The following MS4A14 variants were observed in gnomAD, a reference collection of about 807,000 sequenced individuals.
MS4A14 encodes the protein membrane spanning 4-domains A14, also known as membrane-spanning 4-domains subfamily A member 14.
In MS4A14, 18 loss-of-function variants were observed where a neutral mutation model predicts 16.7. The observed-to-expected ratio is 1.08, with a 90% CI of 0.75 to 1.60. The LOEUF (loss-of-function observed/expected upper bound fraction) is 1.60, where lower values mean the gene tolerates loss of function less well. MS4A14 is among the 40% of genes most tolerant of loss of function. The probability of loss-of-function intolerance (pLI) is 0.00; values close to 1 mark genes in which losing one functional copy is unlikely to be tolerated. For synonymous variants in MS4A14, 305 were observed against 289.4 expected (o/e 1.05, Z -0.55); for missense variants, 812 against 775.3 (o/e 1.05, Z -0.56).
At chr11:60,400,323 T>C (rs2085693239) in intron 2 of MS4A14, 81 bp from the exon 3 acceptor site, 1 of 901,824 alleles carries the variant, frequency 1.1e-6, no homozygotes, top group South Asian at 1.6e-5. Context: ...CAAACAGATA[T>C]TTTGCAAATC....
intron 4 of MS4A14, among the ~76,000 whole-genome samples, chr11:60,403,723 T>C (rs1040599221): frequency 6.6e-6 from 1 of 152,226 alleles, no homozygotes; most frequent in African/African-American, 2.4e-5. Context: ...GTGACTCCAA[T>C]AGGCCTTTCT....
intron 2 of MS4A14, among the ~76,000 whole-genome samples, chr11:60,398,880 A>G (rs2085668839): frequency 6.6e-6 from 1 of 152,214 alleles, no homozygotes; most frequent in Admixed American, 6.5e-5. Flanking sequence ...TATACATGCC[A>G]TACTGTAGAA....
chr11:60,403,712 A>T (rs569687409), intron 4 of MS4A14, among the ~76,000 whole-genome samples: 42 of 152,312 alleles, frequency 2.8e-4, no homozygotes, highest in African/African-American at 9.9e-4. Flanking sequence ...TAAGCATGTC[A>T]GTGACTCCAA....
At chr11:60,411,594 G>A (rs1040490746) in intron 4 of MS4A14, among the ~76,000 whole-genome samples, 1 of 152,140 alleles carries the variant, frequency 6.6e-6, no homozygotes, top group African/African-American at 2.4e-5. Flanking sequence ...AAACAACAAT[G>A]ATTTTTTGTG....
rs1257696801 is a variant in MS4A14, at chr11:60,397,844, C to T, written c.139-8C>T. The T allele has an allele frequency of 2.5e-6, 4 of 1,610,686 alleles. No homozygotes were observed. The highest frequency in any genetic ancestry group is 3.4e-6 in the Non-Finnish European group (4 of 1,178,290). On this transcript the variant is annotated splice_region_variant and splice_polypyrimidine_tract_variant and intron_variant, in intron 1 of 4. Transcript: ENST00000300187. ...TGTAACCTCATGTACCCATTTCTCT[C>T]CTCACAGGCTACCCAGATCCTGCTT...
At chr11:60,411,038 G>T (rs896280387) in intron 4 of MS4A14, among the ~76,000 whole-genome samples, 2 of 151,982 alleles carry the variant, frequency 1.3e-5, no homozygotes, top group Admixed American at 1.3e-4. Context: ...TAGAGACGAG[G>T]TTTCACCACA....
At chr11:60,414,925 A>G (rs2085916458) in intron 4 of MS4A14, among the ~76,000 whole-genome samples, 1 of 152,148 alleles carries the variant, frequency 6.6e-6, no homozygotes, top group Non-Finnish European at 1.5e-5. Context: ...TCTCAGAATT[A>G]GGTCATCTTC....
intron 1 of MS4A14, among the ~76,000 whole-genome samples, chr11:60,397,138 T>C (rs1251981148): frequency 2.0e-5 from 3 of 152,208 alleles, no homozygotes; most frequent in Non-Finnish European, 4.4e-5. Context: ...GCCTCCATCC[T>C]TTGTACAACA....
At position 60,402,989 on chromosome 11, in the gene MS4A14, C is replaced by A. The variant is rs140270120; in HGVS notation, c.396C>A (p.Tyr132Ter). Residue 132 changes from tyrosine (Y) to a stop codon, truncating the protein, a stop_gained, in exon 4 of 5, where the codon TAC becomes TAA. Coordinates refer to ENST00000300187, the MANE Select transcript of MS4A14 (RefSeq NM_032597.5). LOFTEE classifies it high-confidence loss of function. ...GGATTACTTTCACCATTCTCAGCTA[C>A]AGACATCAAGACAAGTACTGCCAGA... ...ITGITFTILS[Y>*]RHQDKYCQMP... 601 of 1,613,806 alleles carry A rather than the reference C, an allele frequency of 3.7e-4. No individual in the cohort carries two copies. In the African/African-American group the frequency reaches 6.9e-3, roughly 19 times the overall value.
chr11:60,399,045 C>T (rs1042640269), intron 2 of MS4A14, among the ~76,000 whole-genome samples: 1 of 152,140 alleles, frequency 6.6e-6, no homozygotes, highest in Non-Finnish European at 1.5e-5. Flanking sequence ...GAGCACATAC[C>T]GCGTCTTCAA....
intron 4 of MS4A14, among the ~76,000 whole-genome samples, chr11:60,409,308 C>T (rs1434980267): frequency 3.3e-5 from 5 of 152,110 alleles, no homozygotes; most frequent in East Asian, 3.9e-4. Flanking sequence ...CAATCCTTCC[C>T]GGTCCTCCCA....
In MS4A14 at chr11:60,397,902, T is replaced by G. The variant is rs1236487421; in HGVS notation, c.189T>G (p.Phe63Leu). 1 of 1,613,398 alleles carries G rather than the reference T, an allele frequency of 6.2e-7. No homozygotes were observed. Among genetic ancestry groups the G allele is most frequent in the Admixed American group, 1.7e-5 (1 of 59,996 alleles). ...TCATTGTGGGCTTTGGAACTATATT[T>G]GCACTTAATTACATCGGTTTCTCCC... Reference protein sequence around the residue: ...ALIIVGFGTIFALNYIGFSQR... With the variant: ...ALIIVGFGTILALNYIGFSQR... The change falls in exon 2 of 5, where the codon TTT becomes TTG. Residue 63 changes from phenylalanine to leucine, a missense_variant. Coordinates refer to ENST00000300187, the MANE Select transcript of MS4A14 (RefSeq NM_032597.5).
chr11:60,403,144 T>C, intron 4 of MS4A14, 83 bp downstream of exon 4: 2 of 1,442,706 alleles, frequency 1.4e-6, no homozygotes, highest in South Asian at 2.3e-5. Context: ...TGATTTTTAT[T>C]TTATTAAATG....
At chr11:60,400,536 G>C in intron 3 of MS4A14, 82 bp downstream of exon 3, 1 of 1,007,910 alleles carries the variant, frequency 9.9e-7, no homozygotes, top group Non-Finnish European at 1.5e-6. Context: ...TAGTAATAAA[G>C]TTACCTTTCA....
intron 1 of MS4A14, among the ~76,000 whole-genome samples, chr11:60,397,094 T>C (rs747489553): frequency 2.0e-5 from 3 of 152,164 alleles, no homozygotes; most frequent in Non-Finnish European, 4.4e-5. Context: ...ACGTTTTTCA[T>C]CACAAATGCA....
Position 60,401,574 on chromosome 11 carries a change from G to A in MS4A14, c.318+1120G>A, listed in dbSNP as rs115223947. ...TTTCATCACAGCCCTTCCACAAACC[G>A]TGAAAGTGATTGCTCACAGTCACTT... is the stretch of plus-strand genomic sequence containing the variant. On this transcript the variant is annotated intron_variant, in intron 3 of 4. Transcript: ENST00000300187. Among the ~76,000 whole-genome samples the A allele has an allele frequency of 5.3e-3, 803 of 152,242 alleles. 5 individuals are homozygous for A. Among genetic ancestry groups the A allele is most frequent in the South Asian group, 0.022 (108 of 4,820 alleles).
rs773984042 is a variant in MS4A14 at position 60,416,892 on chromosome 11, C to T, written c.1924C>T (p.Gln642Ter). 1.9e-6 allele frequency: 3 copies of T among 1,613,712 alleles called. No individual in the cohort carries two copies. The highest frequency in any genetic ancestry group is 2.5e-6 in the Non-Finnish European group (3 of 1,179,790). The change falls in exon 5 of 5, where the codon CAA becomes TAA. Residue 642 changes from glutamine (Q) to a stop codon, truncating the protein, a stop_gained. Coordinates refer to ENST00000300187, the MANE Select transcript of MS4A14 (RefSeq NM_032597.5). LOFTEE classifies it low-confidence loss of function (END_TRUNC). ...GGAGAAAGTGCCAAAACTGTTATGC[C>T]AAGATTCAGAATCCCAAATACAGCA... ...QVEKVPKLLC[Q>*]DSESQIQQYQ...
In MS4A14 at chr11:60,415,765, A is replaced by C. The variant is rs2085930570; in HGVS notation, c.797A>C (p.Gln266Pro). ...EKKPSENMSI[Q>P]LDSTFKQMKD... ...AAGCCCTCAGAAAATATGTCCATTC[A>C]GCTAGACTCTACATTTAAACAAATG... The change falls in exon 5 of 5, where the codon CAG (glutamine) becomes CCG (proline). Residue 266 changes from glutamine (Q) to proline (P), a missense_variant. Physicochemically the swap from Gln to Pro is moderately conservative, Grantham distance 76 (BLOSUM62 -1). Coordinates refer to ENST00000300187, the MANE Select transcript of MS4A14 (RefSeq NM_032597.5). The C allele has an allele frequency of 6.2e-7, 1 of 1,613,980 alleles. No homozygotes were observed.
chr11:60,397,136 C>G (rs572185611), intron 1 of MS4A14, among the ~76,000 whole-genome samples: 9 of 152,324 alleles, frequency 5.9e-5, no homozygotes, highest in African/African-American at 2.2e-4. Context: ...CAGCCTCCAT[C>G]CTTTGTACAA....
Sources: allele counts gnomAD v4.1 joint callset (sites outside exome capture counted in the v4.1 genomes callset), GRCh38; gene constraint gnomAD v4.1.1; transcripts MANE v1.5; gene names NCBI Gene and HGNC (gene_info 2026-07-23, HGNC 2026-07-21).